FAF1: variants seen among roughly 807,000 people sequenced by gnomAD.
FAF1 encodes Fas associated factor 1, also known as FAS-associated factor 1.
Under a neutral mutation model 92.5 loss-of-function variants are expected in FAF1, and 25 were observed. The ratio of observed to expected loss-of-function variants is 0.27; its 90% confidence interval spans 0.20 to 0.38. The LOEUF (loss-of-function observed/expected upper bound fraction) is 0.38, where lower values mean the gene tolerates loss of function less well. Among genes scored for constraint, FAF1 ranks in the 10% least tolerant of loss-of-function variants. FAF1 has a pLI of 1.00. For missense variants in FAF1, 636 were observed against 793.3 expected, an observed-to-expected ratio of 0.80 and a Z score of 2.38; for synonymous variants, 234 against 273.2, an observed-to-expected ratio of 0.86 and a Z score of 1.42.
At position 50,539,658 on chromosome 1, in the gene FAF1, G is replaced by C; in HGVS notation, c.1339C>G (p.Gln447Glu). The change falls in exon 14 of 19, where the codon CAG (glutamine) becomes GAG (glutamate). Residue 447 changes from glutamine to glutamate, a missense_variant. Gln to Glu is a conservative substitution (Grantham distance 29, BLOSUM62 2). Around this residue, in one of 2 missense-constraint regions of FAF1, gnomAD observed 319 missense variants for 451.0 expected, o/e 0.71. Transcript: ENST00000396153. ...ATAATAATCAGGAAAAGCGGAAACT[G>C]ATCCGTTTTTTGAGTCCGAATGGTT... ...AQTIRTQKTD[Q>E]FPLFLIIMGK... 1.9e-6 allele frequency: 3 copies of C among 1,611,326 alleles called. No homozygotes were observed. Among genetic ancestry groups the C allele is most frequent in the Non-Finnish European group, 2.5e-6 (3 of 1,177,750 alleles).
At chr1:50,492,313 T>C (rs1182932782) in intron 15 of FAF1, among the ~76,000 whole-genome samples, 3 of 151,992 alleles carry the variant, frequency 2.0e-5, no homozygotes, top group Non-Finnish European at 4.4e-5. Context: ...AAAAGCAAAA[T>C]ACTCTGGTTA....
At chr1:50,535,507 C>A (rs1648430522) in intron 14 of FAF1, 50 bp from the exon 15 acceptor site, 2 of 1,033,884 alleles carry the variant, frequency 1.9e-6, no homozygotes, top group South Asian at 1.5e-5. Flanking sequence ...TTATATATAA[C>A]TTCAAATTAT....
At chr1:50,582,445 A>T (rs2124010187) in intron 12 of FAF1, 173 bp downstream of exon 12, 1 of 551,946 alleles carries the variant, frequency 1.8e-6, no homozygotes, top group East Asian at 2.8e-5. Flanking sequence ...TTGGACTTAT[A>T]CAGAGATGAT....
At chr1:50,840,268 A>C (rs1376512063) in intron 2 of FAF1, among the ~76,000 whole-genome samples, 1 of 152,034 alleles carries the variant, frequency 6.6e-6, no homozygotes, top group Non-Finnish European at 1.5e-5. Flanking sequence ...ATTTTATTCA[A>C]GTTAAAACCT....
chr1:50,647,948 T>C (rs1654668449), intron 8 of FAF1, among the ~76,000 whole-genome samples: 1 of 152,148 alleles, frequency 6.6e-6, no homozygotes, highest in Middle Eastern at 3.4e-3. Flanking sequence ...AAGAAGGGCA[T>C]AGGCAGGGTT....
chr1:50,957,393 C>G (rs968656952), intron 1 of FAF1, among the ~76,000 whole-genome samples: 7 of 140,696 alleles, frequency 5.0e-5, no homozygotes, highest in Non-Finnish European at 9.1e-5. Context: ...GCTCTGTCGC[C>G]CAGGCTAGAG....
chr1:50,455,059 C>T (rs1646335682), intron 18 of FAF1, among the ~76,000 whole-genome samples: 1 of 152,202 alleles, frequency 6.6e-6, no homozygotes, highest in Admixed American at 6.5e-5. Context: ...AGCCTCATTC[C>T]TACAGCAGGC....
intron 14 of FAF1, among the ~76,000 whole-genome samples, chr1:50,536,339 A>G (rs1315790362): frequency 6.6e-6 from 1 of 152,226 alleles, no homozygotes; most frequent in Non-Finnish European, 1.5e-5. Context: ...ATGAGGATAT[A>G]TAAAGATATG....
At chr1:50,901,003 C>A (rs1644792114) in intron 1 of FAF1, among the ~76,000 whole-genome samples, 1 of 151,624 alleles carries the variant, frequency 6.6e-6, no homozygotes, top group Non-Finnish European at 1.5e-5. Flanking sequence ...AAGATTTGAT[C>A]TTGATGTGAC....
intron 1 of FAF1, among the ~76,000 whole-genome samples, chr1:50,871,346 T>A (rs1644526755): frequency 6.6e-6 from 1 of 152,218 alleles, no homozygotes. Flanking sequence ...AGTAGTAACA[T>A]TCTATGTGGA....
chr1:50,487,238 T>C (rs992334728), intron 17 of FAF1, among the ~76,000 whole-genome samples: 2 of 152,204 alleles, frequency 1.3e-5, no homozygotes, highest in Admixed American at 1.3e-4. Flanking sequence ...CCTTCAGATC[T>C]GATGTTACGC....
intron 7 of FAF1, among the ~76,000 whole-genome samples, chr1:50,672,531 C>T (rs1215320589): frequency 6.6e-6 from 1 of 152,090 alleles, no homozygotes; most frequent in East Asian, 1.9e-4. Flanking sequence ...AATCTGCCTA[C>T]CTCGACCTAC....
intron 18 of FAF1, among the ~76,000 whole-genome samples, chr1:50,472,534 T>C (rs12136505): frequency 6.6e-6 from 1 of 152,124 alleles, no homozygotes; most frequent in African/African-American, 2.4e-5. Flanking sequence ...CAGGGAATTA[T>C]GCTCAGCAGA....
At chr1:50,708,340 T>C (rs1217202850) in intron 6 of FAF1, among the ~76,000 whole-genome samples, 1 of 152,118 alleles carries the variant, frequency 6.6e-6, no homozygotes, top group Admixed American at 6.6e-5. Context: ...GACCACTTAC[T>C]GATGGAGTGT....
chr1:50,725,513 T>C (rs1658612836), intron 6 of FAF1, among the ~76,000 whole-genome samples: 1 of 152,198 alleles, frequency 6.6e-6, no homozygotes, highest in African/African-American at 2.4e-5. Context: ...TGGAGTACAG[T>C]GGCATGATCT....
chr1:50,928,107 G>A (rs959804743), intron 1 of FAF1, among the ~76,000 whole-genome samples: 4 of 152,134 alleles, frequency 2.6e-5, no homozygotes, highest in African/African-American at 7.2e-5. Flanking sequence ...TGGTTTTCAG[G>A]AACAAGTCAC....
At chr1:50,520,354 C>G (rs1414928097) in intron 15 of FAF1, among the ~76,000 whole-genome samples, 2 of 152,116 alleles carry the variant, frequency 1.3e-5, no homozygotes, top group African/African-American at 4.8e-5. Flanking sequence ...AGTGACATGT[C>G]AAAAATACTA....
At chr1:50,590,736 C>T (rs1651463436) in intron 9 of FAF1, among the ~76,000 whole-genome samples, 1 of 151,858 alleles carries the variant, frequency 6.6e-6, no homozygotes, top group South Asian at 2.1e-4. Flanking sequence ...AATCCCAGCA[C>T]TTTGGGAGGC....
At chr1:50,502,123 C>CT (rs1422977454) in intron 15 of FAF1, among the ~76,000 whole-genome samples, 1 of 152,130 alleles carries the variant, frequency 6.6e-6, no homozygotes, top group African/African-American at 2.4e-5. Flanking sequence ...ATAATAAGCC[C>CT]TTTATCAGTG....
Sources: allele counts gnomAD v4.1 joint callset (sites outside exome capture counted in the v4.1 genomes callset), GRCh38; gene constraint gnomAD v4.1.1; regional missense constraint gnomAD v4.1.1; transcripts MANE v1.5; gene names NCBI Gene and HGNC (gene_info 2026-07-23, HGNC 2026-07-21).